The following H2BC18 variants were observed in gnomAD, a reference collection of about 807,000 sequenced individuals.
H2BC18 encodes the protein histone H2B type 2-F.
H2BC18 carries 8 observed loss-of-function variants against 6.3 expected under a neutral mutation model. That is an observed-to-expected ratio of 1.28 (90% CI 0.75 to 2.31). The LOEUF (loss-of-function observed/expected upper bound fraction) is 2.31, where lower values mean the gene tolerates loss of function less well. Ranked by LOEUF, H2BC18 falls within the 30% of genes most tolerant of loss-of-function variation. The pLI is 0.00. For synonymous variants in H2BC18, 104 were observed against 78.1 expected, an observed-to-expected ratio of 1.33 and a Z score of -1.75; for missense variants, 106 against 174.5, an observed-to-expected ratio of 0.61 and a Z score of 2.21.
At chr1:149,784,145 C>T in intron 1 of H2BC18, 1 of 1,611,740 alleles carries the variant, frequency 6.2e-7, no homozygotes, top group Non-Finnish European at 8.5e-7. Flanking sequence ...CCACTCAGAC[C>T]TCGACCCCCA....
chr1:149,806,481 G>A (rs141105726), intron 1 of H2BC18, among the ~76,000 whole-genome samples: 7,919 of 152,078 alleles, frequency 0.052, 261 homozygotes, highest in Non-Finnish European at 0.079. Context: ...CCAGCTACTC[G>A]GGAGGCTGAA....
intron 1 of H2BC18, among the ~76,000 whole-genome samples, chr1:149,795,829 T>A (rs1174960329): frequency 1.6e-4 from 24 of 151,842 alleles, no homozygotes; most frequent in Non-Finnish European, 1.6e-4. Flanking sequence ...GAGCCATGCG[T>A]ACCTAAAATA....
At chr1:149,792,848 G>T (rs1452676438) in intron 1 of H2BC18, 9 of 1,270,320 alleles carry the variant, frequency 7.1e-6, no homozygotes, top group East Asian at 5.8e-5. Context: ...AGAGAGCAAG[G>T]GGTCGCCGTT....
In H2BC18 at chr1:149,792,701, G is replaced by A. The variant is rs1362115922; in HGVS notation, c.378-9441C>T. The A allele has an allele frequency of 2.3e-6, 3 of 1,282,982 alleles. No individual in the cohort carries two copies. The East Asian group carries it at 1.7e-4, about 72-fold the overall frequency. The allele number at this position is 1,282,982 out of a possible 1,614,324, so 79.5% of individuals were successfully genotyped here. On this transcript the variant is annotated intron_variant, in intron 1 of 1. Transcript: ENST00000545683. The stretch of plus-strand genomic sequence containing the variant: ...GCCCGGGGACCCAGCTGCGGCGAAA[G>A]CTGTTGGGCGCGCGCTTCTCCGCAG...
At chr1:149,807,712 G>A (rs2091933707), downstream of H2BC18, among the ~76,000 whole-genome samples, 1 of 151,922 alleles carries the variant, frequency 6.6e-6, no homozygotes, top group Admixed American at 6.6e-5. Flanking sequence ...GCTGAGGCAG[G>A]AGAATCGCTT....
chr1:149,785,296 A>C (rs2091511191), intron 1 of H2BC18, among the ~76,000 whole-genome samples: 1 of 151,920 alleles, frequency 6.6e-6, no homozygotes, highest in Non-Finnish European at 1.5e-5. Flanking sequence ...GTTTTAGCCA[A>C]GGAAATGTTG....
rs1179062759 is a variant in H2BC18 at position 149,792,664 on chromosome 1, G to A, written c.378-9404C>T. On this transcript the variant is annotated intron_variant, in intron 1 of 1. Transcript: ENST00000545683. ...CAGCCTCCGCCTGTATCTGGGGGCC[G>A]CAGCCGCCAGCGCCCGGGGACCCAG... is the stretch of plus-strand genomic sequence containing the variant. 4.7e-6 allele frequency: 6 copies of A among 1,277,284 alleles called. 1 individual carries two copies. In the African/African-American group the frequency reaches 7.8e-5, roughly 17 times the overall value. The allele number at this position is 1,277,284 out of a possible 1,614,324, so 79.1% of individuals were successfully genotyped here.
At chr1:149,788,463 G>A (rs1553751117) in intron 1 of H2BC18, 1 of 1,613,660 alleles carries the variant, frequency 6.2e-7, no homozygotes, top group South Asian at 1.1e-5. Flanking sequence ...TGTACAATGT[G>A]CTTTACTATC....
At chr1:149,799,411 A>C (rs2791048) in intron 1 of H2BC18, among the ~76,000 whole-genome samples, 1,591 of 152,262 alleles carry the variant, frequency 0.01, 14 homozygotes, top group African/African-American at 0.02. Context: ...CCTTCTCATC[A>C]TGTATGCTCA....
chr1:149,807,834 AG>A (rs2091936459), downstream of H2BC18, among the ~76,000 whole-genome samples: 1 of 151,990 alleles, frequency 6.6e-6, no homozygotes, highest in Non-Finnish European at 1.5e-5. Flanking sequence ...AGAGAGAGAG[AG>A]AGAAAGAGAG....
intron 1 of H2BC18, chr1:149,790,188 G>A: frequency 6.2e-7 from 1 of 1,613,842 alleles, no homozygotes; most frequent in South Asian, 1.1e-5. Flanking sequence ...CTTCTACATG[G>A]GCAGCAAGAC....
intron 1 of H2BC18, chr1:149,792,597 G>A: frequency 1.7e-6 from 2 of 1,205,340 alleles, no homozygotes; most frequent in South Asian, 2.9e-5. Context: ...CGTGTCCCGC[G>A]GCGGGCCCCT....
downstream of H2BC18, chr1:149,811,714 A>T: frequency 1.5e-6 from 1 of 653,270 alleles, no homozygotes; most frequent in Non-Finnish European, 2.6e-6. Context: ...ATAACAAGCA[A>T]CTCAGTAAGA....
intron 1 of H2BC18, among the ~76,000 whole-genome samples, chr1:149,804,318 A>G (rs1435586393): frequency 6.6e-6 from 1 of 152,212 alleles, no homozygotes; most frequent in Non-Finnish European, 1.5e-5. Context: ...CGGCCTTTAT[A>G]GAGCACTAGT....
chr1:149,784,301 T>C (rs2091481256), intron 1 of H2BC18: 1 of 1,609,700 alleles, frequency 6.2e-7, no homozygotes. Flanking sequence ...CACAAGGTCT[T>C]CCTCTGCGTT....
intron 1 of H2BC18, chr1:149,785,755 A>G (rs2091532636): frequency 1.3e-5 from 2 of 152,130 alleles, no homozygotes; most frequent in South Asian, 4.1e-4. Context: ...TTTCAAAGTA[A>G]ACAGCATCCA....
chr1:149,789,421 G>GATAATAATAATA lies in H2BC18; in HGVS notation c.378-6162_378-6161insTATTATTATTAT, dbSNP rs1559745935. ...TAATAATAATAATAATAATAATAAT[G>GATAATAATAATA]ATGATAATAAAGTCACTGAAATGGC... On this transcript the variant is annotated intron_variant, in intron 1 of 1. Transcript: ENST00000545683. 5.1e-3 allele frequency among the ~76,000 whole-genome samples: 735 copies of GATAATAATAATA among 144,890 alleles called. 11 individuals carry two copies. Among genetic ancestry groups the GATAATAATAATA allele is most frequent in the African/African-American group, 0.02 (700 of 35,554 alleles).
chr1:149,793,352 G>A (rs2091761090), intron 1 of H2BC18: 2 of 1,141,396 alleles, frequency 1.8e-6, no homozygotes, highest in African/African-American at 3.4e-5. Flanking sequence ...GAAGGGAGCT[G>A]GCTCGGCGGG....
chr1:149,786,394 T>TTA (rs1280613967), intron 1 of H2BC18: 5 of 152,118 alleles, frequency 3.3e-5, no homozygotes, highest in Non-Finnish European at 7.4e-5. Context: ...TTCACTATAA[T>TTA]ATTAAAGTTT....
Sources: allele counts gnomAD v4.1 joint callset (sites outside exome capture counted in the v4.1 genomes callset), GRCh38; gene constraint gnomAD v4.1.1; transcripts MANE v1.5; gene names NCBI Gene and HGNC (gene_info 2026-07-23, HGNC 2026-07-21).